Variants in MRPS31 observed in about 807,000 individuals in gnomAD.
MRPS31 encodes small ribosomal subunit protein mS31.
A neutral mutation model predicts 43.1 loss-of-function variants in MRPS31; 32 were observed. The ratio of observed to expected loss-of-function variants is 0.74; its 90% confidence interval spans 0.56 to 1.00. The LOEUF (loss-of-function observed/expected upper bound fraction) is 1.00, where lower values mean the gene tolerates loss of function less well. Ranked by LOEUF, MRPS31 falls within the 50% of genes least tolerant of loss-of-function variation. The pLI, the probability that MRPS31 is intolerant of heterozygous loss-of-function variation, is 0.00. For synonymous variants in MRPS31, 165 were observed against 161.6 expected, an observed-to-expected ratio of 1.02 and a Z score of -0.16; for missense variants, 437 against 466.7, an observed-to-expected ratio of 0.94 and a Z score of 0.59.
At position 40,729,592 on chromosome 13, in the gene MRPS31, T is replaced by C; in HGVS notation, c.968A>G (p.Asp323Gly). The change falls in exon 7 of 7, where the codon GAT (aspartate) becomes GGT (glycine). Residue 323 changes from aspartate to glycine, a missense_variant. Asp to Gly is a moderately conservative substitution (Grantham distance 94). Transcript: ENST00000323563. ...FPINNEAGFDDDGSEFHEHIF... is the reference protein window; with the variant it reads ...FPINNEAGFDGDGSEFHEHIF... ...ATGTTCATGAAATTCTGAACCATCA[T>C]CATCAAAACCTAGGAAATGAGACCA... The C allele has an allele frequency of 6.2e-7, 1 of 1,609,340 alleles. No individual in the cohort carries two copies. The highest frequency in any genetic ancestry group is 8.5e-7 in the Non-Finnish European group (1 of 1,175,944).
chr13:40,736,679 C>T (rs1324425981), intron 6 of MRPS31, among the ~76,000 whole-genome samples: 1 of 149,726 alleles, frequency 6.7e-6, no homozygotes, highest in African/African-American at 2.5e-5. Flanking sequence ...TCCAGTCAAA[C>T]TAAGCTTCAT....
chr13:40,769,823 G>C (rs1880957533), intron 1 of MRPS31, among the ~76,000 whole-genome samples: 1 of 152,056 alleles, frequency 6.6e-6, no homozygotes, highest in Non-Finnish European at 1.5e-5. Context: ...TCACGTCTAA[G>C]TAACTCCCTA....
chr13:40,771,021 C>G lies in MRPS31; in HGVS notation c.116G>C (p.Gly39Ala). ...CGCTGAACTGCGGTACCTGACTGTTCCGTGCCGAACAGTGAGTAGCATAAT... is the reference window on the plus strand; with the variant it reads ...CGCTGAACTGCGGTACCTGACTGTTGCGTGCCGAACAGTGAGTAGCATAAT... ...AAIMLLTVRH[G>A]TVRYRSSALL... The change falls in exon 1 of 7, where the codon GGA becomes GCA. Residue 39 changes from glycine (G) to alanine (A), a missense_variant. Physicochemically the swap from Gly to Ala is moderately conservative, Grantham distance 60. Coordinates refer to ENST00000323563, the MANE Select transcript of MRPS31 (RefSeq NM_005830.4). 6.2e-7 allele frequency: 1 copy of G among 1,614,150 alleles called. No individual in the cohort carries two copies. Among genetic ancestry groups the G allele is most frequent in the Non-Finnish European group, 8.5e-7 (1 of 1,180,028 alleles).
At chr13:40,762,608 T>G (rs77516538) in intron 2 of MRPS31, among the ~76,000 whole-genome samples, 1 of 151,956 alleles carries the variant, frequency 6.6e-6, no homozygotes, top group Non-Finnish European at 1.5e-5. Flanking sequence ...TATTTTTTTT[T>G]CATTTTTTGT....
intron 4 of MRPS31, 121 bp downstream of exon 4, chr13:40,756,752 T>C: frequency 1.8e-6 from 2 of 1,112,816 alleles, no homozygotes; most frequent in Non-Finnish European, 1.3e-6. Context: ...CAGATGTAAA[T>C]GTATTCATAA....
intron 6 of MRPS31, among the ~76,000 whole-genome samples, chr13:40,736,501 G>A (rs1418602967): frequency 2.0e-5 from 3 of 148,058 alleles, no homozygotes; most frequent in Non-Finnish European, 3.0e-5. Flanking sequence ...AAGTTGAAAT[G>A]AAGGAAAAAA....
Position 40,756,737 on chromosome 13 carries a change from G to A in MRPS31, c.740+136C>T. Reference sequence around the variant, plus strand: ...CTAGGAAGTGGTATACAGAGAGTAAGAACACAGATGTAAATGTATTCATAA... The same window carrying A: ...CTAGGAAGTGGTATACAGAGAGTAAAAACACAGATGTAAATGTATTCATAA... On this transcript the variant is annotated intron_variant, in intron 4 of 6. Coordinates refer to ENST00000323563, the MANE Select transcript of MRPS31 (RefSeq NM_005830.4). 4.0e-6 allele frequency: 4 copies of A among 1,010,622 alleles called. No individual in the cohort carries two copies. In the Admixed American group the frequency reaches 7.7e-5, roughly 20 times the overall value. The allele number at this position is 1,010,622 out of a possible 1,614,324, so 62.6% of individuals were successfully genotyped here. A position where few individuals can be genotyped will look rare whatever the true frequency, so the allele number is the denominator to read the frequency against.
chr13:40,733,011 T>G (rs1183772048), intron 6 of MRPS31, among the ~76,000 whole-genome samples: 1 of 145,918 alleles, frequency 6.9e-6, no homozygotes, highest in Non-Finnish European at 1.5e-5. Flanking sequence ...TTTTTTTTTT[T>G]TTTTTTTTTT....
At chr13:40,747,102 A>G (rs1240163728) in intron 6 of MRPS31, among the ~76,000 whole-genome samples, 1 of 150,842 alleles carries the variant, frequency 6.6e-6, no homozygotes, top group African/African-American at 2.4e-5. Context: ...TTTTTGAGGC[A>G]CAGTTTCGCT....
intron 3 of MRPS31, among the ~76,000 whole-genome samples, chr13:40,758,142 CAAA>C (rs559446482): frequency 3.6e-5 from 3 of 83,364 alleles, no homozygotes; most frequent in African/African-American, 4.1e-5. Context: ...GACTCCGTCT[CAAA>C]AAAAAAAAAA....
chr13:40,766,286 T>C (rs1880843005), intron 2 of MRPS31, among the ~76,000 whole-genome samples: 2 of 151,518 alleles, frequency 1.3e-5, no homozygotes, highest in Admixed American at 6.6e-5. Flanking sequence ...CTCAAGTAAT[T>C]ATTATTTTGT....
chr13:40,736,997 A>G (rs1469354040), intron 6 of MRPS31, among the ~76,000 whole-genome samples: 1 of 150,832 alleles, frequency 6.6e-6, no homozygotes, highest in African/African-American at 2.5e-5. Context: ...AAATTGGATA[A>G]AGAGTCAAGA....
Position 40,758,957 on chromosome 13 carries a change from G to C in MRPS31, c.590C>G (p.Pro197Arg). The C allele has an allele frequency of 6.3e-7, 1 of 1,577,026 alleles. No homozygotes were observed. Among genetic ancestry groups the C allele is most frequent in the Non-Finnish European group, 8.6e-7 (1 of 1,165,696 alleles). ...GGTTTGATTCACTCACCTAATTTTA[G>C]GTCGCTTTGCATCTCTCTGTGCCCT... ...ESRAQRDAKR[P>R]KISFSNIISD... Residue 197 changes from proline to arginine, a missense_variant, in exon 3 of 7, where the codon CCT becomes CGT. Coordinates refer to ENST00000323563, the MANE Select transcript of MRPS31 (RefSeq NM_005830.4).
intron 6 of MRPS31, among the ~76,000 whole-genome samples, chr13:40,738,212 CAT>C (rs1367550596): frequency 2.0e-5 from 3 of 151,218 alleles, no homozygotes; most frequent in East Asian, 3.9e-4. Context: ...TTCCTTGACA[CAT>C]ACACTCTCCC....
rs139126960 is a variant in MRPS31 at position 40,767,001 on chromosome 13, G to A, written c.185C>T (p.Thr62Ile). 562 of 1,608,956 alleles carry A rather than the reference G, an allele frequency of 3.5e-4. 2 individuals carry two copies. Among genetic ancestry groups the A allele is most frequent in the South Asian group, 2.5e-3 (225 of 89,112 alleles). The change falls in exon 2 of 7, where the codon ACT becomes ATT. Residue 62 changes from threonine (T) to isoleucine (I), a missense_variant. Coordinates refer to ENST00000323563, the MANE Select transcript of MRPS31 (RefSeq NM_005830.4). ...TTTCTTGCTACAGATCACACTGTTA[G>A]TGCCAAAATATCTTTGGATGTTATT... Reference protein sequence around the residue: ...TKNNIQRYFGTNSVICSKKDK... With the variant: ...TKNNIQRYFGINSVICSKKDK...
intron 6 of MRPS31, among the ~76,000 whole-genome samples, chr13:40,742,752 T>G (rs1880136812): frequency 6.6e-6 from 1 of 152,132 alleles, no homozygotes; most frequent in Admixed American, 6.6e-5. Flanking sequence ...GAAACAAAAG[T>G]GTGATTAACA....
At chr13:40,765,062 T>C (rs1375697150) in intron 2 of MRPS31, among the ~76,000 whole-genome samples, 1 of 152,150 alleles carries the variant, frequency 6.6e-6, no homozygotes, top group Non-Finnish European at 1.5e-5. Flanking sequence ...TTGGAGTCCT[T>C]GAAAAAGAGG....
chr13:40,735,661 G>A (rs1299684201), intron 6 of MRPS31, among the ~76,000 whole-genome samples: 2 of 152,214 alleles, frequency 1.3e-5, no homozygotes, highest in South Asian at 4.2e-4. Flanking sequence ...GCACCCACCA[G>A]CAGGGGCAGA....
chr13:40,736,333 T>A (rs1879905696), intron 6 of MRPS31, among the ~76,000 whole-genome samples: 2 of 151,766 alleles, frequency 1.3e-5, no homozygotes. Flanking sequence ...ATGGGGAGAA[T>A]GGAACCAAGT....
Sources: allele counts gnomAD v4.1 joint callset (sites outside exome capture counted in the v4.1 genomes callset), GRCh38; gene constraint gnomAD v4.1.1; transcripts MANE v1.5; gene names NCBI Gene and HGNC (gene_info 2026-07-23, HGNC 2026-07-21).